MRAP2: variants seen among roughly 807,000 people sequenced by gnomAD.
MRAP2 encodes the protein melanocortin-2 receptor accessory protein 2.
Under a neutral mutation model 17.4 loss-of-function variants are expected in MRAP2, and 20 were observed. The ratio of observed to expected loss-of-function variants is 1.15; its 90% confidence interval spans 0.81 to 1.67. The LOEUF (loss-of-function observed/expected upper bound fraction) is 1.67. Ranked by LOEUF, MRAP2 falls within the 40% of genes most tolerant of loss-of-function variation. The pLI, the probability that MRAP2 is intolerant of heterozygous loss-of-function variation, is 0.00. For synonymous variants in MRAP2, 96 were observed against 88.4 expected, an observed-to-expected ratio of 1.09 and a Z score of -0.48; for missense variants, 238 against 240.0, an observed-to-expected ratio of 0.99 and a Z score of 0.05.
chr6:84,066,545 G>A (rs1042123581), intron 3 of MRAP2, among the ~76,000 whole-genome samples: 1 of 152,132 alleles, frequency 6.6e-6, no homozygotes, highest in Non-Finnish European at 1.5e-5. Context: ...TTTTAAGTTT[G>A]CCTATGATAA....
At chr6:84,116,697 A>G in the MRAP2 span, among the ~76,000 whole-genome samples, 2 of 152,142 alleles carry the variant, frequency 1.3e-5, no homozygotes, top group Non-Finnish European at 2.9e-5. Flanking sequence ...TTTGACATGA[A>G]GCAATGTTAA....
At chr6:84,050,072 T>G (rs980944094) in intron 1 of MRAP2, among the ~76,000 whole-genome samples, 1 of 151,680 alleles carries the variant, frequency 6.6e-6, no homozygotes, top group African/African-American at 2.4e-5. Flanking sequence ...CATACTCGAG[T>G]CAAAATAGTC....
chr6:84,116,831 T>C, the MRAP2 span, among the ~76,000 whole-genome samples: 1 of 152,186 alleles, frequency 6.6e-6, no homozygotes, highest in African/African-American at 2.4e-5. Flanking sequence ...ATCCTGGGGA[T>C]GTAGCCTACT....
chr6:84,135,350 G>C, the MRAP2 span, among the ~76,000 whole-genome samples: 2 of 152,168 alleles, frequency 1.3e-5, no homozygotes, highest in African/African-American at 4.8e-5. Context: ...ACTTAAAGGT[G>C]AGTGAAGATG....
chr6:84,043,892 G>A (rs558514576), intron 1 of MRAP2, among the ~76,000 whole-genome samples: 12 of 152,276 alleles, frequency 7.9e-5, no homozygotes, highest in Non-Finnish European at 4.4e-5. Context: ...CTCTTTCTCT[G>A]TGAAGGGCAT....
At chr6:84,042,802 C>G (rs1365864599) in intron 1 of MRAP2, among the ~76,000 whole-genome samples, 2 of 152,210 alleles carry the variant, frequency 1.3e-5, no homozygotes, top group Non-Finnish European at 2.9e-5. Flanking sequence ...TTTAAGAGCC[C>G]AGGCCTCAGA....
Position 84,089,332 on chromosome 6 carries a change from G to T in MRAP2, c.469G>T (p.Glu157Ter). The T allele has an allele frequency of 6.2e-7, 1 of 1,614,190 alleles. No individual in the cohort carries two copies. Among genetic ancestry groups the T allele is most frequent in the South Asian group, 1.1e-5 (1 of 91,080 alleles). ...CAGAAGCAGTGGGCAGCCAGAGGAG[G>T]AGCTGAACAGGCTCATGAAGTTTGA... ...AIRSSGQPEEELNRLMKFDIP... is the reference protein window; with the variant it reads ...AIRSSGQPEE Residue 157 changes from glutamate (E) to a stop codon, truncating the protein, a stop_gained, in exon 4 of 4, where the codon GAG (glutamate) becomes TAG (stop). Coordinates refer to ENST00000257776, the MANE Select transcript of MRAP2 (RefSeq NM_138409.4). LOFTEE classifies it high-confidence loss of function.
the MRAP2 span, among the ~76,000 whole-genome samples, chr6:84,136,365 C>A: frequency 6.6e-6 from 1 of 152,160 alleles, no homozygotes; most frequent in African/African-American, 2.4e-5. Context: ...GCTGCATTAA[C>A]CCATGACAGA....
intron 3 of MRAP2, among the ~76,000 whole-genome samples, chr6:84,074,084 C>T (rs2099496982): frequency 6.6e-6 from 1 of 152,098 alleles, no homozygotes; most frequent in Admixed American, 6.6e-5. Flanking sequence ...AGATGAGTCA[C>T]TGTGTGAGCT....
chr6:84,135,990 C>T, the MRAP2 span, among the ~76,000 whole-genome samples: 6 of 152,178 alleles, frequency 3.9e-5, no homozygotes, highest in East Asian at 1.9e-4. Context: ...ATTGTGAGTA[C>T]TTACTTAATC....
chr6:84,096,116 T>C, the MRAP2 span, among the ~76,000 whole-genome samples: 6 of 152,318 alleles, frequency 3.9e-5, no homozygotes, highest in South Asian at 1.2e-3. Context: ...TTCCTCATGT[T>C]TTGCCTCTTT....
At chr6:84,040,602 C>G (rs2099487290) in intron 1 of MRAP2, among the ~76,000 whole-genome samples, 2 of 152,118 alleles carry the variant, frequency 1.3e-5, no homozygotes, top group African/African-American at 4.8e-5. Flanking sequence ...ATGGCTTTGA[C>G]CAAATACTGA....
At chr6:84,139,707 C>A in the MRAP2 span, among the ~76,000 whole-genome samples, 3 of 152,166 alleles carry the variant, frequency 2.0e-5, no homozygotes, top group Non-Finnish European at 4.4e-5. Flanking sequence ...TTTCCTGGTC[C>A]TTCTTTTCCA....
chr6:84,114,381 T>A, the MRAP2 span, among the ~76,000 whole-genome samples: 1 of 152,138 alleles, frequency 6.6e-6, no homozygotes, highest in Non-Finnish European at 1.5e-5. Context: ...ACTATTGATA[T>A]TTGTGTATGC....
At chr6:84,088,977 A>C in intron 3 of MRAP2, 114 bp from the exon 4 acceptor site, 2 of 1,165,460 alleles carry the variant, frequency 1.7e-6, no homozygotes, top group South Asian at 3.2e-5. Context: ...AGGGGCTTAC[A>C]CTCAATAGGT....
intron 3 of MRAP2, among the ~76,000 whole-genome samples, chr6:84,070,459 A>G (rs113590786): frequency 0.016 from 2,394 of 152,284 alleles, 61 homozygotes; most frequent in African/African-American, 0.054. Context: ...CTGAAAGAGT[A>G]CCTGATATAA....
the MRAP2 span, among the ~76,000 whole-genome samples, chr6:84,121,887 C>A: frequency 7.6e-6 from 1 of 131,266 alleles, no homozygotes; most frequent in African/African-American, 4.5e-5. Context: ...ACCTCAAGGA[C>A]CTAGAAAAAC....
intron 3 of MRAP2, among the ~76,000 whole-genome samples, chr6:84,083,693 T>C (rs540087260): frequency 6.6e-6 from 1 of 152,202 alleles, no homozygotes; most frequent in Non-Finnish European, 1.5e-5. Context: ...TTAAGTAATG[T>C]GAACTAAAAA....
the MRAP2 span, among the ~76,000 whole-genome samples, chr6:84,103,662 T>C: frequency 6.6e-6 from 1 of 152,220 alleles, no homozygotes. Context: ...ACAAATCCTT[T>C]TCAGAAAACC....
Sources: allele counts gnomAD v4.1 joint callset (sites outside exome capture counted in the v4.1 genomes callset), GRCh38; gene constraint gnomAD v4.1.1; transcripts MANE v1.5; gene names NCBI Gene and HGNC (gene_info 2026-07-23, HGNC 2026-07-21).